The following FRMD4A variants were observed in gnomAD, a reference collection of about 807,000 sequenced individuals.
FRMD4A encodes FERM domain-containing protein 4A.
FRMD4A carries 29 observed loss-of-function variants against 129.1 expected under a neutral mutation model. The observed-to-expected ratio is 0.22, with a 90% CI of 0.17 to 0.31. The LOEUF (loss-of-function observed/expected upper bound fraction) is 0.31, where lower values mean the gene tolerates loss of function less well. FRMD4A is among the 10% of genes least tolerant of loss of function. The pLI is 1.00. For synonymous variants in FRMD4A, 634 were observed against 571.6 expected (o/e 1.11, Z -1.56); for missense variants, 1,272 against 1,375.8 (o/e 0.92, Z 1.19).
At chr10:13,707,783 C>T (rs1009329640) in intron 12 of FRMD4A, 7 of 985,264 alleles carry the variant, frequency 7.1e-6, no homozygotes, top group African/African-American at 7.0e-5. Flanking sequence ...TTCTGTCGCC[C>T]GGAAGGACGC....
intron 3 of FRMD4A, among the ~76,000 whole-genome samples, chr10:13,855,378 C>T (rs2094199111): frequency 6.6e-6 from 1 of 152,102 alleles, no homozygotes. Context: ...GATGAGTATG[C>T]TATCCTCATA....
At chr10:14,176,042 A>G (rs2131893110) in intron 2 of FRMD4A, among the ~76,000 whole-genome samples, 1 of 152,268 alleles carries the variant, frequency 6.6e-6, no homozygotes, top group East Asian at 1.9e-4. Flanking sequence ...GACTTAAACA[A>G]TACTTCTTAT....
At chr10:13,650,439 TGTATGTAG>T (rs1484570632) in intron 24 of FRMD4A, among the ~76,000 whole-genome samples, 1 of 152,182 alleles carries the variant, frequency 6.6e-6, no homozygotes, top group Non-Finnish European at 1.5e-5. Flanking sequence ...TATTCGTGTA[TGTATGTAG>T]GTATTTCAAG....
intron 2 of FRMD4A, among the ~76,000 whole-genome samples, chr10:14,220,804 G>GTGTGTT (rs1554788035): frequency 6.1e-5 from 2 of 33,054 alleles, no homozygotes; most frequent in Non-Finnish European, 2.1e-4. Flanking sequence ...GTGTGTGTGT[G>GTGTGTT]TGTGTGTTTG....
chr10:13,760,393 C>G (rs986773565), intron 8 of FRMD4A, among the ~76,000 whole-genome samples: 4 of 152,142 alleles, frequency 2.6e-5, no homozygotes, highest in Admixed American at 1.3e-4. Context: ...GTGACTCATG[C>G]CTGTAGTCCC....
chr10:14,068,566 A>G (rs1322646121), intron 2 of FRMD4A, among the ~76,000 whole-genome samples: 1 of 152,156 alleles, frequency 6.6e-6, no homozygotes. Flanking sequence ...TAGCCTTGGT[A>G]TCTGAAAAAG....
At chr10:13,648,977 GAAATGT>G (rs1408613807) in intron 24 of FRMD4A, among the ~76,000 whole-genome samples, 4 of 151,608 alleles carry the variant, frequency 2.6e-5, no homozygotes, top group African/African-American at 4.9e-5. Flanking sequence ...TCAGAGGCCT[GAAATGT>G]AAATGTATAT....
At chr10:14,235,730 A>G (rs1843790040) in intron 2 of FRMD4A, among the ~76,000 whole-genome samples, 1 of 152,230 alleles carries the variant, frequency 6.6e-6, no homozygotes, top group African/African-American at 2.4e-5. Flanking sequence ...AAATCAGCAT[A>G]GGATTCCAGA....
intron 5 of FRMD4A, among the ~76,000 whole-genome samples, chr10:13,783,391 C>CT (rs903631864): frequency 2.2e-4 from 34 of 151,652 alleles, no homozygotes; most frequent in African/African-American, 7.8e-4. Context: ...TTTTCTTCTC[C>CT]TTTTTTTTCT....
At position 14,042,689 on chromosome 10, in the gene FRMD4A, G is replaced by A. The variant is rs536391289; in HGVS notation, c.46-183777C>T. ...GAAATTTATTTGAAAACAGGCCGGC[G>A]CAGTGGCTCATGCCTGTAATCCCAG... On this transcript the variant is annotated intron_variant, in intron 2 of 24. Transcript: ENST00000357447. Among the ~76,000 whole-genome samples, 22 of 152,064 alleles carry A rather than the reference G, an allele frequency of 1.4e-4. No individual in the cohort carries two copies. In the South Asian group the frequency reaches 4.0e-3, roughly 27 times the overall value.
chr10:14,046,398 C>A (rs953789337), intron 2 of FRMD4A, among the ~76,000 whole-genome samples: 1 of 152,044 alleles, frequency 6.6e-6, no homozygotes, highest in Non-Finnish European at 1.5e-5. Context: ...TTCTTTTCCA[C>A]TCATGTATAT....
intron 2 of FRMD4A, among the ~76,000 whole-genome samples, chr10:14,093,120 T>C (rs545394103): frequency 8.4e-4 from 128 of 152,292 alleles, no homozygotes; most frequent in African/African-American, 2.9e-3. Flanking sequence ...GGCCGTGGAA[T>C]GACTGTGCCT....
intron 12 of FRMD4A, among the ~76,000 whole-genome samples, chr10:13,710,260 C>T (rs567323167): frequency 2.8e-4 from 42 of 152,352 alleles, no homozygotes; most frequent in African/African-American, 1.0e-3. Flanking sequence ...CCTCCCCACC[C>T]GATGAAGAAC....
intron 2 of FRMD4A, among the ~76,000 whole-genome samples, chr10:14,045,362 A>T (rs1671046906): frequency 6.6e-6 from 1 of 152,108 alleles, no homozygotes; most frequent in African/African-American, 2.4e-5. Flanking sequence ...AGGTGTTCAG[A>T]TGCCACTGTC....
intron 4 of FRMD4A, among the ~76,000 whole-genome samples, chr10:13,807,028 C>T (rs1187818545): frequency 2.6e-5 from 4 of 152,132 alleles, no homozygotes; most frequent in Admixed American, 6.6e-5. Context: ...AGGATGGTCT[C>T]GATCTCCTGA....
At chr10:14,323,696 T>C (rs535247518) in intron 2 of FRMD4A, among the ~76,000 whole-genome samples, 15 of 152,330 alleles carry the variant, frequency 9.8e-5, no homozygotes, top group African/African-American at 3.4e-4. Flanking sequence ...GACAGAGTTA[T>C]CAGCCAGTTG....
chr10:13,957,132 C>T (rs192318719), intron 2 of FRMD4A, among the ~76,000 whole-genome samples: 208 of 152,328 alleles, frequency 1.4e-3, no homozygotes, highest in African/African-American at 4.4e-3. Flanking sequence ...TGGATGGCTC[C>T]GACTCCGCAG....
chr10:14,157,660 A>G (rs921119092), intron 2 of FRMD4A, among the ~76,000 whole-genome samples: 10 of 152,222 alleles, frequency 6.6e-5, no homozygotes, highest in African/African-American at 2.4e-4. Context: ...TGGTCTTAGC[A>G]TCTTGCACTC....
Position 13,651,321 on chromosome 10 carries a change from G to C in FRMD4A, c.*2+582C>G, listed in dbSNP as rs555788465. The C allele has an allele frequency of 3.3e-5, 5 of 152,538 alleles. No individual in the cohort carries two copies. In the East Asian group the frequency reaches 9.6e-4, roughly 29 times the overall value. 9.4% of individuals were successfully genotyped at this position (152,538 alleles called of 1,614,324 possible). On this transcript the variant is annotated intron_variant, in intron 24 of 24. Coordinates refer to ENST00000357447, the MANE Select transcript of FRMD4A (RefSeq NM_018027.5). ...GGGGTGCTTCTGGAGCCACTGAGTC[G>C]GCCCTTGGTGCTTTGAAACTTACAT...
Sources: allele counts gnomAD v4.1 joint callset (sites outside exome capture counted in the v4.1 genomes callset), GRCh38; gene constraint gnomAD v4.1.1; transcripts MANE v1.5; gene names NCBI Gene and HGNC (gene_info 2026-07-23, HGNC 2026-07-21).